The following PLXDC2 variants were observed in gnomAD, a reference collection of about 807,000 sequenced individuals.
The protein encoded by PLXDC2 is plexin domain-containing protein 2.
Under a neutral mutation model 68.9 loss-of-function variants are expected in PLXDC2, and 40 were observed. The ratio of observed to expected loss-of-function variants is 0.58; its 90% CI spans 0.45 to 0.76. PLXDC2 has a LOEUF of 0.76. Among genes scored for constraint, PLXDC2 ranks in the 30% least tolerant of loss-of-function variants. The pLI, the probability that PLXDC2 is intolerant of heterozygous loss-of-function variation, is 0.00. For missense variants in PLXDC2, 644 were observed against 661.9 expected (o/e 0.97, Z 0.30); for synonymous variants, 243 against 234.2 (o/e 1.04, Z -0.34).
chr10:19,835,426 G>A (rs565073911), intron 1 of PLXDC2, among the ~76,000 whole-genome samples: 133 of 152,292 alleles, frequency 8.7e-4, no homozygotes, highest in African/African-American at 3.1e-3. Context: ...AGGTGCTTTA[G>A]GGAATAGAAA....
Position 20,284,520 on chromosome 10 carries a change from T to A in PLXDC2, c.*4701T>A, listed in dbSNP as rs1836126401. Reference sequence around the variant, plus strand: ...GTAAGAGTTGCTTGAGCCCATGAGTTAGAGGCTGCTGTGAGCTATGATCAT... The same window carrying A: ...GTAAGAGTTGCTTGAGCCCATGAGTAAGAGGCTGCTGTGAGCTATGATCAT... On this transcript the variant is annotated 3_prime_UTR_variant, in exon 14 of 14. Transcript: ENST00000377252. The A allele has an allele frequency of 6.6e-6, 1 of 150,636 alleles. No homozygotes were observed. The allele number at this position is 150,636 out of a possible 1,614,324, so 9.3% of individuals were successfully genotyped here.
At chr10:19,958,948 G>A (rs1160252033) in intron 1 of PLXDC2, among the ~76,000 whole-genome samples, 1 of 152,162 alleles carries the variant, frequency 6.6e-6, no homozygotes, top group Non-Finnish European at 1.5e-5. Context: ...GAAATCTTGA[G>A]TGATCAGCCA....
intron 13 of PLXDC2, among the ~76,000 whole-genome samples, chr10:20,263,445 G>A (rs762247223): frequency 9.9e-5 from 15 of 152,140 alleles, no homozygotes; most frequent in Admixed American, 7.9e-4. Context: ...ACATAGAAAC[G>A]GGCAAAGGTT....
intron 4 of PLXDC2, among the ~76,000 whole-genome samples, chr10:20,077,609 A>G (rs1564306729): frequency 1.3e-5 from 2 of 152,192 alleles, no homozygotes; most frequent in Non-Finnish European, 2.9e-5. Context: ...GGCAAAGAAA[A>G]TGGAAGAAAA....
intron 11 of PLXDC2, among the ~76,000 whole-genome samples, chr10:20,218,346 A>G (rs1588524242): frequency 2.0e-5 from 3 of 152,208 alleles, no homozygotes; most frequent in African/African-American, 7.2e-5. Context: ...GGAACTTTTA[A>G]TTGGAATTTA....
chr10:20,219,422 T>C (rs909155358), intron 12 of PLXDC2, among the ~76,000 whole-genome samples: 1 of 152,206 alleles, frequency 6.6e-6, no homozygotes, highest in Non-Finnish European at 1.5e-5. Flanking sequence ...GCTACAGGTA[T>C]TGGGTTCAAT....
chr10:19,877,457 A>T (rs552991690), intron 1 of PLXDC2, among the ~76,000 whole-genome samples: 1 of 152,298 alleles, frequency 6.6e-6, no homozygotes, highest in Admixed American at 6.5e-5. Flanking sequence ...GTATTTTCTC[A>T]TACACCCATG....
rs1397329078 is a variant in PLXDC2 at position 20,126,332 on chromosome 10, C to CATATGT, written c.542-16963_542-16962insATATGT. Among the ~76,000 whole-genome samples the CATATGT allele has an allele frequency of 1.5e-4, 12 of 79,798 alleles. 1 individual carries two copies. The highest frequency in any genetic ancestry group is 5.0e-4 in the East Asian group (1 of 2,016). The allele number at this position is 79,798 out of a possible 152,430, so 52.4% of individuals were successfully genotyped here. Reference sequence around the variant, plus strand: ...ATACGTTATATAATATATACATATACGTTATATAATACATATATACATATG... The same window carrying CATATGT: ...ATACGTTATATAATATATACATATACATATGTGTTATATAATACATATATACATATG... On this transcript the variant is annotated intron_variant, in intron 4 of 13. Coordinates refer to ENST00000377252, the MANE Select transcript of PLXDC2 (RefSeq NM_032812.9).
intron 4 of PLXDC2, among the ~76,000 whole-genome samples, chr10:20,077,264 T>G (rs1193684250): frequency 6.6e-6 from 1 of 152,202 alleles, no homozygotes; most frequent in African/African-American, 2.4e-5. Flanking sequence ...ATGTGACATT[T>G]TGCCTTTGAA....
At chr10:20,266,472 T>C (rs1835874038) in intron 13 of PLXDC2, among the ~76,000 whole-genome samples, 1 of 152,058 alleles carries the variant, frequency 6.6e-6, no homozygotes, top group South Asian at 2.1e-4. Context: ...ATTTTTAAAA[T>C]CTAAATAATT....
intron 4 of PLXDC2, among the ~76,000 whole-genome samples, chr10:20,082,153 G>T (rs1353505162): frequency 1.3e-5 from 2 of 150,716 alleles, no homozygotes; most frequent in Non-Finnish European, 2.9e-5. Context: ...GTCATATTGT[G>T]GATATAATTC....
chr10:20,083,136 G>A (rs1399131470), intron 4 of PLXDC2, among the ~76,000 whole-genome samples: 1 of 152,078 alleles, frequency 6.6e-6, no homozygotes, highest in East Asian at 1.9e-4. Flanking sequence ...GAGATCAGGA[G>A]TAGGAAAGAG....
At chr10:19,994,326 T>C (rs1834806813) in intron 1 of PLXDC2, among the ~76,000 whole-genome samples, 1 of 127,062 alleles carries the variant, frequency 7.9e-6, no homozygotes. Flanking sequence ...TTTTTTTTTT[T>C]TTTTTTTTTT....
intron 1 of PLXDC2, among the ~76,000 whole-genome samples, chr10:19,844,269 G>T (rs1459294791): frequency 6.6e-6 from 1 of 152,180 alleles, no homozygotes; most frequent in Non-Finnish European, 1.5e-5. Context: ...TAGGATCATA[G>T]TTTATTTTGT....
intron 13 of PLXDC2, among the ~76,000 whole-genome samples, chr10:20,265,918 C>T (rs373190232): frequency 3.3e-5 from 5 of 152,254 alleles, no homozygotes; most frequent in East Asian, 1.9e-4. Context: ...GCCCCACCAA[C>T]GGGATATACG....
chr10:20,222,550 G>A (rs2131868838), intron 12 of PLXDC2, among the ~76,000 whole-genome samples: 1 of 152,276 alleles, frequency 6.6e-6, no homozygotes, highest in African/African-American at 2.4e-5. Flanking sequence ...AGGGTTGAGT[G>A]GAAATTCTAA....
intron 12 of PLXDC2, 128 bp from the exon 13 acceptor site, chr10:20,245,217 T>G: frequency 1.1e-6 from 1 of 950,818 alleles, no homozygotes; most frequent in Non-Finnish European, 1.5e-6. Flanking sequence ...AAATTGATGT[T>G]GCAGAAAAGT....
intron 13 of PLXDC2, among the ~76,000 whole-genome samples, chr10:20,267,161 T>G (rs750370581): frequency 8.5e-5 from 13 of 152,210 alleles, no homozygotes; most frequent in Admixed American, 2.0e-4. Flanking sequence ...AGTTGAATCA[T>G]TCACAGTATG....
At position 20,270,041 on chromosome 10, in the gene PLXDC2, A is replaced by AT. The variant is rs1554780151; in HGVS notation, c.1474-9661dup. On this transcript the variant is annotated intron_variant, in intron 13 of 13. Coordinates refer to ENST00000377252, the MANE Select transcript of PLXDC2 (RefSeq NM_032812.9). Reference sequence around the variant, plus strand: ...AAAAAATAAAATAAAATAAAATAAAATAAAATAAAATAAAAAAGAAGTGGG... The same window carrying AT: ...AAAAAATAAAATAAAATAAAATAAAATTAAAATAAAATAAAAAAGAAGTGGG... Among the ~76,000 whole-genome samples the AT allele has an allele frequency of 1.8e-3, 271 of 151,562 alleles. 1 individual carries two copies. The highest frequency in any genetic ancestry group is 6.0e-3 in the African/African-American group (249 of 41,312).
Sources: gnomAD v4.1 joint callset for allele counts (sites outside exome capture counted in the v4.1 genomes callset) on GRCh38, gnomAD v4.1.1 for gene constraint, MANE v1.5 for transcripts, NCBI Gene and HGNC (gene_info 2026-07-23, HGNC 2026-07-21) for gene names.